The following FILIP1L variants were observed in gnomAD, a reference collection of about 807,000 sequenced individuals.
FILIP1L encodes filamin A-interacting protein 1-like.
A neutral mutation model predicts 96.6 loss-of-function variants in FILIP1L; 55 were observed. The observed-to-expected ratio is 0.57, with a 90% CI of 0.46 to 0.71. The LOEUF (loss-of-function observed/expected upper bound fraction) is 0.71, where lower values mean the gene tolerates loss of function less well. Among genes scored for constraint, FILIP1L ranks in the 30% least tolerant of loss-of-function variants. The pLI, the probability that FILIP1L is intolerant of heterozygous loss-of-function variation, is 0.00. For synonymous variants in FILIP1L, 467 were observed against 473.9 expected, an observed-to-expected ratio of 0.99 and a Z score of 0.19; for missense variants, 1,304 against 1,321.2, an observed-to-expected ratio of 0.99 and a Z score of 0.20.
At chr3:99,927,856 CA>C (rs1707346048) in intron 3 of FILIP1L, among the ~76,000 whole-genome samples, 3 of 152,138 alleles carry the variant, frequency 2.0e-5, no homozygotes, top group African/African-American at 7.2e-5. Context: ...CAGCCCCAAG[CA>C]TGTTCCAGCT....
intron 1 of FILIP1L, among the ~76,000 whole-genome samples, chr3:100,105,486 G>A (rs1219296942): frequency 6.6e-6 from 1 of 152,100 alleles, no homozygotes; most frequent in African/African-American, 2.4e-5. Context: ...CTAATTCTGG[G>A]GCAAAAGGGA....
chr3:99,972,167 T>C (rs536783106), intron 1 of FILIP1L, among the ~76,000 whole-genome samples: 66 of 152,090 alleles, frequency 4.3e-4, no homozygotes, highest in African/African-American at 1.5e-3. Flanking sequence ...TGGGGAAAGA[T>C]GTCATTCAAA....
At chr3:99,878,281 T>C (rs528537811) in intron 4 of FILIP1L, among the ~76,000 whole-genome samples, 1 of 152,352 alleles carries the variant, frequency 6.6e-6, no homozygotes, top group East Asian at 1.9e-4. Context: ...CCTACCACCA[T>C]ACTTAGTGCT....
intron 1 of FILIP1L, among the ~76,000 whole-genome samples, chr3:99,977,577 G>C (rs961507447): frequency 2.0e-5 from 3 of 152,012 alleles, no homozygotes; most frequent in Admixed American, 2.0e-4. Flanking sequence ...TTATTTTAGT[G>C]TCTCCATGAA....
chr3:100,014,801 CT>C (rs1029929043), intron 1 of FILIP1L, among the ~76,000 whole-genome samples: 17 of 112,640 alleles, frequency 1.5e-4, no homozygotes, highest in Middle Eastern at 5.7e-3. Context: ...CATCTTCATT[CT>C]ATTGATTTTT....
chr3:99,946,339 A>G (rs1708007146), intron 1 of FILIP1L, among the ~76,000 whole-genome samples: 1 of 152,250 alleles, frequency 6.6e-6, no homozygotes, highest in Admixed American at 6.5e-5. Flanking sequence ...ACAACTATCA[A>G]TGGAGAATTT....
At chr3:100,043,631 C>T (rs1008069559) in intron 1 of FILIP1L, among the ~76,000 whole-genome samples, 1 of 152,096 alleles carries the variant, frequency 6.6e-6, no homozygotes, top group Non-Finnish European at 1.5e-5. Flanking sequence ...AATTTACATC[C>T]CTGGAAGGTG....
chr3:100,008,343 C>T (rs754770258), intron 1 of FILIP1L, among the ~76,000 whole-genome samples: 8 of 152,062 alleles, frequency 5.3e-5, no homozygotes, highest in Non-Finnish European at 7.4e-5. Context: ...AAAGGCTATG[C>T]AAGGCAAAGA....
chr3:100,104,846 C>T (rs755350437), intron 1 of FILIP1L, among the ~76,000 whole-genome samples: 16 of 152,180 alleles, frequency 1.1e-4, no homozygotes, highest in Non-Finnish European at 2.1e-4. Context: ...CCATTTACAG[C>T]TTAGCTAGCT....
At chr3:100,055,444 C>G (rs1393663765) in intron 1 of FILIP1L, among the ~76,000 whole-genome samples, 3 of 152,194 alleles carry the variant, frequency 2.0e-5, no homozygotes. Context: ...GTGACAATCA[C>G]TGTCTAATGC....
intron 4 of FILIP1L, among the ~76,000 whole-genome samples, chr3:99,876,429 C>G (rs1430683570): frequency 6.6e-6 from 1 of 152,220 alleles, no homozygotes; most frequent in Non-Finnish European, 1.5e-5. Flanking sequence ...GTCGGGCTAA[C>G]AAAGTCATTG....
At chr3:99,901,503 TC>T (rs2107627207) in intron 4 of FILIP1L, among the ~76,000 whole-genome samples, 1 of 152,342 alleles carries the variant, frequency 6.6e-6, no homozygotes, top group East Asian at 1.9e-4. Flanking sequence ...ATTGAGTGTT[TC>T]AAATTATGTA....
chr3:99,884,757 C>T (rs1705838825), intron 4 of FILIP1L, among the ~76,000 whole-genome samples: 1 of 152,192 alleles, frequency 6.6e-6, no homozygotes, highest in African/African-American at 2.4e-5. Flanking sequence ...GCTTTCAGTT[C>T]ATTTTTGTAC....
At chr3:99,917,782 G>A (rs959109364) in intron 4 of FILIP1L, among the ~76,000 whole-genome samples, 3 of 152,166 alleles carry the variant, frequency 2.0e-5, no homozygotes, top group Admixed American at 1.3e-4. Flanking sequence ...AAGAATGGAT[G>A]TACAGATTTG....
intron 4 of FILIP1L, among the ~76,000 whole-genome samples, chr3:99,852,737 C>A (rs1943764947): frequency 6.6e-6 from 1 of 152,086 alleles, no homozygotes; most frequent in Admixed American, 6.6e-5. Flanking sequence ...AGCCACCGTG[C>A]CGGCTGAGAG....
chr3:100,021,648 G>A (rs186292528), intron 1 of FILIP1L, among the ~76,000 whole-genome samples: 200 of 152,260 alleles, frequency 1.3e-3, no homozygotes, highest in African/African-American at 4.5e-3. Context: ...ACAAATCAGT[G>A]AATTTTAAAT....
At chr3:99,840,553 A>G (rs550375022) in intron 5 of FILIP1L, among the ~76,000 whole-genome samples, 2 of 152,326 alleles carry the variant, frequency 1.3e-5, no homozygotes, top group South Asian at 2.1e-4. Context: ...GGAAACATCT[A>G]GTAGTTTTGA....
intron 1 of FILIP1L, among the ~76,000 whole-genome samples, chr3:100,113,035 G>A (rs2066516378): frequency 2.0e-5 from 3 of 152,168 alleles, no homozygotes; most frequent in Admixed American, 1.3e-4. Flanking sequence ...TCTCCTTTAT[G>A]CATATCTAAT....
intron 3 of FILIP1L, among the ~76,000 whole-genome samples, chr3:99,926,496 T>A (rs1050187427): frequency 6.6e-6 from 1 of 152,202 alleles, no homozygotes; most frequent in Admixed American, 6.5e-5. Flanking sequence ...TAAGGAAAAT[T>A]CAAATCAACT....
Sources: allele counts gnomAD v4.1 joint callset (sites outside exome capture counted in the v4.1 genomes callset), GRCh38; gene constraint gnomAD v4.1.1; transcripts MANE v1.5; gene names NCBI Gene and HGNC (gene_info 2026-07-23, HGNC 2026-07-21).